Variants in LRP2 observed in about 807,000 individuals in gnomAD.
LRP2 encodes low-density lipoprotein receptor-related protein 2.
Under a neutral mutation model 531.0 loss-of-function variants are expected in LRP2, and 172 were observed. The observed-to-expected ratio is 0.32, with a 90% CI of 0.29 to 0.37. The LOEUF (loss-of-function observed/expected upper bound fraction) is 0.37. LRP2 is among the 10% of genes least tolerant of loss of function. The pLI is 1.00. For synonymous variants in LRP2, 1,992 were observed against 2,027.6 expected, an observed-to-expected ratio of 0.98 and a Z score of 0.47; for missense variants, 5,167 against 5,868.3, an observed-to-expected ratio of 0.88 and a Z score of 3.90.
chr2:169,140,764 T>C (rs1327056449), intron 71 of LRP2, among the ~76,000 whole-genome samples: 1 of 152,128 alleles, frequency 6.6e-6, no homozygotes, highest in African/African-American at 2.4e-5. Context: ...ATAGAATTTT[T>C]CCCAAAAAAC....
intron 4 of LRP2, among the ~76,000 whole-genome samples, chr2:169,301,801 G>T (rs1225444361): frequency 6.6e-6 from 1 of 152,046 alleles, no homozygotes; most frequent in Non-Finnish European, 1.5e-5. Flanking sequence ...TGGACACAAG[G>T]TACTCTGTCT....
At position 169,160,745 on chromosome 2, in the gene LRP2, T is replaced by C. The variant is rs571165470; in HGVS notation, c.11887+1727A>G. Among the ~76,000 whole-genome samples the C allele has an allele frequency of 7.0e-4, 104 of 148,034 alleles. 2 individuals carry two copies. The highest frequency in any genetic ancestry group is 2.5e-3 in the African/African-American group (100 of 40,070). On this transcript the variant is annotated intron_variant, in intron 63 of 78. Coordinates refer to ENST00000649046, the MANE Select transcript of LRP2 (RefSeq NM_004525.3). Reference sequence around the variant, plus strand: ...GAAAAGAAAGTACTGTAGTCTATTTTAAGCCACCTATCAGTCTCTGGGAGT... The same window carrying C: ...GAAAAGAAAGTACTGTAGTCTATTTCAAGCCACCTATCAGTCTCTGGGAGT...
At chr2:169,232,032 C>A (rs1011119951) in intron 30 of LRP2, among the ~76,000 whole-genome samples, 190 bp from the exon 31 acceptor site, 1 of 152,102 alleles carries the variant, frequency 6.6e-6, no homozygotes, top group Non-Finnish European at 1.5e-5. Context: ...TAGCATCAGG[C>A]TTTCAACTTA....
chr2:169,338,409 A>AAAG (rs1165724071), intron 1 of LRP2, among the ~76,000 whole-genome samples: 153 of 100,818 alleles, frequency 1.5e-3, no homozygotes, highest in Admixed American at 7.5e-3. Flanking sequence ...AGAAAGAAAG[A>AAAG]AAAGAAAAGA....
chr2:169,320,967 A>T, intron 1 of LRP2, 83 bp from the exon 2 acceptor site: 1 of 980,824 alleles, frequency 1.0e-6, no homozygotes. Flanking sequence ...TAAAATGAAA[A>T]ATTATTCAAC....
intron 6 of LRP2, among the ~76,000 whole-genome samples, chr2:169,293,479 C>G (rs748748472): frequency 2.6e-5 from 4 of 152,258 alleles, no homozygotes; most frequent in Admixed American, 6.5e-5. Context: ...AGTTCGAGAC[C>G]AGCCTGGCCA....
chr2:169,170,424 T>C (rs1199212757), intron 59 of LRP2, 127 bp downstream of exon 59: 1 of 784,626 alleles, frequency 1.3e-6, no homozygotes, highest in Non-Finnish European at 2.3e-6. Context: ...TACTGTGTTA[T>C]GCTAAGGTTT....
intron 33 of LRP2, 60 bp from the exon 34 acceptor site, chr2:169,220,623 G>C: frequency 9.1e-7 from 1 of 1,103,586 alleles, no homozygotes; most frequent in Non-Finnish European, 1.4e-6. Flanking sequence ...AGGAAACTGA[G>C]ATGAAGGAGA....
chr2:169,246,951 C>G lies in LRP2; in HGVS notation c.2944G>C (p.Gly982Arg). 1 of 1,614,122 alleles carries G rather than the reference C, an allele frequency of 6.2e-7. No homozygotes were observed. The highest frequency in any genetic ancestry group is 8.5e-7 in the Non-Finnish European group (1 of 1,180,032). The change falls in exon 21 of 79, where the codon GGT (glycine) becomes CGT (arginine). Residue 982 changes from glycine (G) to arginine (R), a missense_variant. Transcript: ENST00000649046. ...NACNQPTHPN[G>R]DCSHFCFPVP... is the part of the protein sequence containing the mutation. ...GGGAAGCAGAAGTGGCTGCAGTCAC[C>G]GTTAGGATGCGTGGGTTGATTACAG...
At position 169,153,837 on chromosome 2, in the gene LRP2, C is replaced by G. The variant is rs556241427; in HGVS notation, c.12295+623G>C. On this transcript the variant is annotated intron_variant, in intron 66 of 78. Transcript: ENST00000649046. Reference sequence around the variant, plus strand: ...GAGCCATGAGAGATTCAACAATAAGCATTATTCATCTTTTTCCTTCATTCA... The same window carrying G: ...GAGCCATGAGAGATTCAACAATAAGGATTATTCATCTTTTTCCTTCATTCA... Among the ~76,000 whole-genome samples the G allele has an allele frequency of 2.7e-4, 41 of 152,308 alleles. No individual in the cohort carries two copies. The South Asian group carries it at 5.8e-3, about 22-fold the overall frequency.
intron 1 of LRP2, among the ~76,000 whole-genome samples, chr2:169,343,319 G>A (rs560587532): frequency 2.0e-5 from 3 of 152,152 alleles, no homozygotes; most frequent in Admixed American, 6.5e-5. Context: ...ACATTTTTTT[G>A]TCTAGTAGTT....
chr2:169,285,676 A>AC (rs1213963507), intron 9 of LRP2, among the ~76,000 whole-genome samples: 1 of 151,994 alleles, frequency 6.6e-6, no homozygotes, highest in Non-Finnish European at 1.5e-5. Context: ...ATGCTGAATG[A>AC]CCTCCCTGCC....
chr2:169,209,376 A>G (rs759540502), intron 38 of LRP2, 77 bp downstream of exon 38: 1 of 1,407,740 alleles, frequency 7.1e-7, no homozygotes, highest in Non-Finnish European at 1.0e-6. Context: ...TAGCACATGG[A>G]GTTAGGCTAA....
intron 69 of LRP2, among the ~76,000 whole-genome samples, 163 bp downstream of exon 69, chr2:169,146,576 A>T (rs571063936): frequency 6.6e-6 from 1 of 152,188 alleles, no homozygotes; most frequent in Non-Finnish European, 1.5e-5. Context: ...ACTCATCTGC[A>T]TTTAATTCAG....
At chr2:169,170,832 C>T (rs942868592) in intron 58 of LRP2, among the ~76,000 whole-genome samples, 165 bp from the exon 59 acceptor site, 2 of 151,570 alleles carry the variant, frequency 1.3e-5, no homozygotes, top group African/African-American at 4.9e-5. Flanking sequence ...GACCTTTCAC[C>T]TTAATTTTGA....
chr2:169,159,377 G>C (rs950827355), intron 63 of LRP2, among the ~76,000 whole-genome samples: 2 of 152,094 alleles, frequency 1.3e-5, no homozygotes, highest in African/African-American at 4.8e-5. Context: ...TATGTGGTCT[G>C]AGTACATTAA....
chr2:169,183,783 T>C (rs1559001457), intron 50 of LRP2, among the ~76,000 whole-genome samples: 1 of 152,166 alleles, frequency 6.6e-6, no homozygotes, highest in Non-Finnish European at 1.5e-5. Context: ...AAAAGTTATA[T>C]CAAATGCAAG....
At chr2:169,361,474 T>C (rs1364791812) in intron 1 of LRP2, among the ~76,000 whole-genome samples, 2 of 151,544 alleles carry the variant, frequency 1.3e-5, no homozygotes, top group African/African-American at 2.4e-5. Context: ...CTTATTCCTA[T>C]TTGCTTCTCT....
Position 169,275,042 on chromosome 2 carries a change from G to A in LRP2, c.1969C>T (p.Pro657Ser). Residue 657 changes from proline to serine, a missense_variant, in exon 14 of 79, where the codon CCC becomes TCC. Transcript: ENST00000649046. ...GVTVYHSLRQPYATNPCKDNN... is the reference protein window; with the variant it reads ...GVTVYHSLRQSYATNPCKDNN... ...CCACTGCTCTGAGGCTTACCATAGG[G>A]CTGTCTGAGGGAATGGTAAACAGTC... The A allele has an allele frequency of 6.2e-7, 1 of 1,613,376 alleles. No individual in the cohort carries two copies. Among genetic ancestry groups the A allele is most frequent in the Non-Finnish European group, 8.5e-7 (1 of 1,179,584 alleles).
Sources: gnomAD v4.1 joint callset for allele counts (sites outside exome capture counted in the v4.1 genomes callset) on GRCh38, gnomAD v4.1.1 for gene constraint, MANE v1.5 for transcripts, NCBI Gene and HGNC (gene_info 2026-07-23, HGNC 2026-07-21) for gene names.